PARD3B: variants seen among roughly 807,000 people sequenced by gnomAD.
PARD3B encodes par-3 family cell polarity regulator beta, also known as partitioning defective 3 homolog B.
A neutral mutation model predicts 130.2 loss-of-function variants in PARD3B; 103 were observed. That is an observed-to-expected ratio of 0.79 (90% CI 0.67 to 0.93). PARD3B has a LOEUF of 0.93. Among genes scored for constraint, PARD3B ranks in the 40% least tolerant of loss-of-function variants. The pLI, the probability that PARD3B is intolerant of heterozygous loss-of-function variation, is 0.00. For missense variants in PARD3B, 1,609 were observed against 1,499.2 expected (o/e 1.07, Z -1.21); for synonymous variants, 583 against 553.2 (o/e 1.05, Z -0.76).
chr2:205,278,398 G>T (rs539563153), intron 16 of PARD3B, among the ~76,000 whole-genome samples: 1 of 152,158 alleles, frequency 6.6e-6, no homozygotes, highest in South Asian at 2.1e-4. Context: ...CGACTGATAG[G>T]CTTGGGGGGG....
rs913506009 is a variant in PARD3B, at chr2:205,351,814, C to T, written c.2631-49199C>T. Among the ~76,000 whole-genome samples the T allele has an allele frequency of 8.8e-5, 13 of 147,684 alleles. No homozygotes were observed. The highest frequency in any genetic ancestry group is 3.0e-4 in the African/African-American group (12 of 40,326). On this transcript the variant is annotated intron_variant, in intron 18 of 22. Coordinates refer to ENST00000406610, the MANE Select transcript of PARD3B (RefSeq NM_001302769.2). The surrounding 1 kb of genome is among the most constrained non-coding windows in gnomAD (Gnocchi z 4.2). ...GGGCAGAAACAAGAAAAAAAAAAAACGTTGGCTTCCAGAGACCAGAGACTT... is the reference window on the plus strand; with the variant it reads ...GGGCAGAAACAAGAAAAAAAAAAAATGTTGGCTTCCAGAGACCAGAGACTT...
At chr2:205,043,805 T>A (rs1412896193) in intron 3 of PARD3B, among the ~76,000 whole-genome samples, 5 of 152,186 alleles carry the variant, frequency 3.3e-5, no homozygotes, top group East Asian at 3.9e-4. Flanking sequence ...TTTTTAAATT[T>A]TTTATTTATT....
chr2:205,602,417 T>C (rs1339859539), intron 22 of PARD3B, among the ~76,000 whole-genome samples: 1 of 152,266 alleles, frequency 6.6e-6, no homozygotes, highest in East Asian at 1.9e-4. Context: ...AAGTCCCTTC[T>C]TTTCAATTGT....
chr2:204,981,734 T>G (rs1308896480), intron 3 of PARD3B, among the ~76,000 whole-genome samples: 3 of 152,118 alleles, frequency 2.0e-5, no homozygotes, highest in African/African-American at 7.2e-5. Context: ...TGTTAGAAAC[T>G]GATAAAAAGT....
In PARD3B at chr2:205,183,617, G is replaced by A. The variant is rs930872592; in HGVS notation, c.1925-2147G>A. Reference sequence around the variant, plus strand: ...TCTGCTTCAAGCTTCATCCCCAGGGGCATGTCAGCTGTGCTACAACTACCT... The same window carrying A: ...TCTGCTTCAAGCTTCATCCCCAGGGACATGTCAGCTGTGCTACAACTACCT... On this transcript the variant is annotated intron_variant, in intron 13 of 22. Coordinates refer to ENST00000406610, the MANE Select transcript of PARD3B (RefSeq NM_001302769.2). This position sits in a 1 kb window ranked among gnomAD's most constrained non-coding sequence, Gnocchi z 5.2. Among the ~76,000 whole-genome samples, 32 of 152,120 alleles carry A rather than the reference G, an allele frequency of 2.1e-4. No individual in the cohort carries two copies. Among genetic ancestry groups the A allele is most frequent in the Non-Finnish European group, 8.8e-5 (6 of 68,034 alleles).
intron 22 of PARD3B, among the ~76,000 whole-genome samples, chr2:205,606,822 G>T (rs532027346): frequency 6.6e-6 from 1 of 152,248 alleles, no homozygotes; most frequent in East Asian, 1.9e-4. Context: ...TATTTGCAGA[G>T]CAGGTAACAC....
At chr2:205,453,566 G>A (rs911881476) in intron 20 of PARD3B, among the ~76,000 whole-genome samples, 1 of 152,134 alleles carries the variant, frequency 6.6e-6, no homozygotes, top group South Asian at 2.1e-4. Flanking sequence ...GAGAAATTAT[G>A]AAACTTACCT....
intron 22 of PARD3B, among the ~76,000 whole-genome samples, chr2:205,606,948 T>C (rs2055022052): frequency 6.6e-6 from 1 of 152,050 alleles, no homozygotes; most frequent in Non-Finnish European, 1.5e-5. Context: ...CTTTCAGACC[T>C]TTTCCTGGGG....
intron 1 of PARD3B, among the ~76,000 whole-genome samples, chr2:204,655,736 G>T (rs992485859): frequency 3.3e-4 from 50 of 152,028 alleles, no homozygotes; most frequent in African/African-American, 1.2e-3. Flanking sequence ...ATTAAAGGAG[G>T]TCAGCATATA....
intron 18 of PARD3B, among the ~76,000 whole-genome samples, chr2:205,367,419 A>G (rs2044650690): frequency 6.6e-6 from 1 of 152,198 alleles, no homozygotes; most frequent in African/African-American, 2.4e-5. Flanking sequence ...AAGTTAGATA[A>G]AAGAAAGAAT....
chr2:204,807,436 G>T (rs1204428735), intron 2 of PARD3B, among the ~76,000 whole-genome samples: 1 of 152,046 alleles, frequency 6.6e-6, no homozygotes, highest in Admixed American at 6.6e-5. Context: ...ACACTAGGAG[G>T]TTCCTCAAAA....
chr2:205,326,142 G>T lies in PARD3B; in HGVS notation c.2630+24441G>T, dbSNP rs143422474. Among the ~76,000 whole-genome samples the T allele has an allele frequency of 2.6e-5, 4 of 152,266 alleles. No homozygotes were observed. In the East Asian group the frequency reaches 7.7e-4, roughly 29 times the overall value. On this transcript the variant is annotated intron_variant, in intron 18 of 22. Coordinates refer to ENST00000406610, the MANE Select transcript of PARD3B (RefSeq NM_001302769.2). ...TAGTTTCTGCTGCTGTAACAAAATTGATTTGGCCTTTATTATACCTCCTAT... is the reference window on the plus strand; with the variant it reads ...TAGTTTCTGCTGCTGTAACAAAATTTATTTGGCCTTTATTATACCTCCTAT...
At chr2:205,111,007 G>A (rs1339023557) in intron 5 of PARD3B, among the ~76,000 whole-genome samples, 1 of 151,930 alleles carries the variant, frequency 6.6e-6, no homozygotes, top group Non-Finnish European at 1.5e-5. Context: ...TAGTACTGAG[G>A]GTTGTTTTCT....
chr2:204,938,309 C>T (rs373390507), intron 2 of PARD3B, among the ~76,000 whole-genome samples: 34 of 152,356 alleles, frequency 2.2e-4, no homozygotes, highest in South Asian at 1.0e-3. Context: ...CACTGTATTA[C>T]AGCCACAATG....
chr2:204,583,008 C>T (rs1040485944), intron 1 of PARD3B, among the ~76,000 whole-genome samples: 3 of 151,612 alleles, frequency 2.0e-5, no homozygotes, highest in African/African-American at 7.3e-5. Flanking sequence ...GAAATAGGAA[C>T]ACTTTTACAC....
rs1228952750 is a variant in PARD3B, at chr2:205,011,178, C to T, written c.395-36403C>T. 2.6e-5 allele frequency among the ~76,000 whole-genome samples: 4 copies of T among 152,182 alleles called. No homozygotes were observed. Among genetic ancestry groups the T allele is most frequent in the Non-Finnish European group, 4.4e-5 (3 of 68,038 alleles). Reference sequence around the variant, plus strand: ...TTGATTATCTGCAGATTATATATAACTTAGCAGCTTAAAATGACAAACATT... The same window carrying T: ...TTGATTATCTGCAGATTATATATAATTTAGCAGCTTAAAATGACAAACATT... On this transcript the variant is annotated intron_variant, in intron 3 of 22. Transcript: ENST00000406610. The surrounding 1 kb of genome is among the most constrained non-coding windows in gnomAD (Gnocchi z 4.1).
chr2:204,558,714 A>G (rs909089357), intron 1 of PARD3B, among the ~76,000 whole-genome samples: 1 of 152,226 alleles, frequency 6.6e-6, no homozygotes. Flanking sequence ...TGTGGAACCA[A>G]AAAGAGCCCT....
In PARD3B at chr2:204,625,500, C is replaced by G. The variant is rs574343535; in HGVS notation, c.121-60681C>G. Among the ~76,000 whole-genome samples the G allele has an allele frequency of 5.3e-5, 8 of 152,264 alleles. 1 individual carries two copies. Among genetic ancestry groups the G allele is most frequent in the African/African-American group, 1.9e-4 (8 of 41,560 alleles). Reference sequence around the variant, plus strand: ...AAGGGATTGTTGTTGACTTTGTACACTAAGTCTCTTGAAGCATTGACAATG... The same window carrying G: ...AAGGGATTGTTGTTGACTTTGTACAGTAAGTCTCTTGAAGCATTGACAATG... On this transcript the variant is annotated intron_variant, in intron 1 of 22. Coordinates refer to ENST00000406610, the MANE Select transcript of PARD3B (RefSeq NM_001302769.2).
chr2:204,645,729 A>G (rs533555101), intron 1 of PARD3B, among the ~76,000 whole-genome samples: 2 of 152,282 alleles, frequency 1.3e-5, no homozygotes, highest in Admixed American at 1.3e-4. Context: ...AAGTGACCAT[A>G]TAACTTCTTT....
Sources: allele counts gnomAD v4.1 joint callset (sites outside exome capture counted in the v4.1 genomes callset), GRCh38; gene constraint gnomAD v4.1.1; non-coding constraint Gnocchi (gnomAD v3.1); transcripts MANE v1.5; gene names NCBI Gene and HGNC (gene_info 2026-07-23, HGNC 2026-07-21).